Variants in PMAIP1 observed in about 807,000 individuals in gnomAD.
PMAIP1 encodes PMA-induced protein 1.
Under a neutral mutation model 3.7 loss-of-function variants are expected in PMAIP1, and 3 were observed. That is an observed-to-expected ratio of 0.82 (90% confidence interval 0.37 to 2.12). PMAIP1 has a LOEUF of 2.12. PMAIP1 is among the 30% of genes most tolerant of loss of function. The probability of loss-of-function intolerance (pLI) is 0.06; values close to 1 mark genes in which losing one functional copy is unlikely to be tolerated. For missense variants in PMAIP1, 77 were observed against 67.1 expected, an observed-to-expected ratio of 1.15 and a Z score of -0.52; for synonymous variants, 29 against 26.2, an observed-to-expected ratio of 1.11 and a Z score of -0.32.
chr18:59,904,151 C>A lies in PMAIP1; in HGVS notation c.*1398C>A, dbSNP rs1294604184. The A allele has an allele frequency of 6.6e-6, 1 of 151,492 alleles. No homozygotes were observed. Among genetic ancestry groups the A allele is most frequent in the Non-Finnish European group, 1.5e-5 (1 of 67,894 alleles). 9.4% of individuals were successfully genotyped at this position (151,492 alleles called of 1,614,324 possible). ...CTCACATCTGTTTTCTTCAGTATTA[C>A]TTAAGATTGTTTATTTAGTGGTAGA... On this transcript the variant is annotated 3_prime_UTR_variant, in exon 2 of 2. Transcript: ENST00000316660.
Position 59,902,690 on chromosome 18 carries a change from C to G in PMAIP1, c.102C>G (p.Asp34Glu). The change falls in exon 2 of 2, where the codon GAC becomes GAG. Residue 34 changes from aspartate to glutamate, a missense_variant. Transcript: ENST00000316660. ...ECATQLRRFGDKLNFRQKLLN... is the reference protein window; with the variant it reads ...ECATQLRRFGEKLNFRQKLLN... ...CTACTCAACTCAGGAGATTTGGAGA[C>G]AAACTGAACTTCCGGCAGAAACTTC... 1.2e-6 allele frequency: 2 copies of G among 1,614,198 alleles called. No homozygotes were observed. The highest frequency in any genetic ancestry group is 8.5e-7 in the Non-Finnish European group (1 of 1,180,026).
At position 59,900,205 on chromosome 18, in the gene PMAIP1, G is replaced by A. The variant is rs369350146; in HGVS notation, c.28G>A (p.Ala10Thr). 15 of 1,556,168 alleles carry A rather than the reference G, an allele frequency of 9.6e-6. No homozygotes were observed. Among genetic ancestry groups the A allele is most frequent in the Admixed American group, 1.9e-5 (1 of 51,508 alleles). ...GCCTGGGAAGAAGGCGCGCAAGAAC[G>A]CTCAACCGAGCCCCGCGCGGGCTCC... MPGKKARKNAQPSPARAPAE... is the reference protein window; with the variant it reads MPGKKARKNTQPSPARAPAE... The change falls in exon 1 of 2, where the codon GCT becomes ACT. Residue 10 changes from alanine to threonine, a missense_variant. Coordinates refer to ENST00000316660, the MANE Select transcript of PMAIP1 (RefSeq NM_021127.3).
At chr18:59,900,959 C>CG (rs1443062936) in intron 1 of PMAIP1, among the ~76,000 whole-genome samples, 2 of 152,174 alleles carry the variant, frequency 1.3e-5, no homozygotes, top group African/African-American at 2.4e-5. Context: ...ACGCCCCCCC[C>CG]ACCTTTTAAG....
chr18:59,900,385 C>T, intron 1 of PMAIP1, 150 bp downstream of exon 1: 5 of 1,547,522 alleles, frequency 3.2e-6, no homozygotes, highest in Non-Finnish European at 4.4e-6. Context: ...CTGGCGCGAG[C>T]CTTAGGGGCG....
intron 1 of PMAIP1, among the ~76,000 whole-genome samples, chr18:59,900,984 T>C (rs1288248814): frequency 6.6e-6 from 1 of 152,194 alleles, no homozygotes; most frequent in African/African-American, 2.4e-5. Context: ...TTTCATTTTA[T>C]AGAGCTCCTG....
intron 1 of PMAIP1, 41 bp downstream of exon 1, chr18:59,900,276 G>A: frequency 6.5e-7 from 1 of 1,533,272 alleles, no homozygotes; most frequent in African/African-American, 1.4e-5. Flanking sequence ...AGGCCGGGCG[G>A]GGTCGGGGCC....
At position 59,903,307 on chromosome 18, in the gene PMAIP1, A is replaced by G. The variant is rs114858354; in HGVS notation, c.*554A>G. The G allele has an allele frequency of 3.5e-3, 556 of 159,694 alleles. 3 individuals are homozygous for G. Among genetic ancestry groups the G allele is most frequent in the African/African-American group, 0.013 (533 of 41,686 alleles). 9.9% of individuals were successfully genotyped at this position (159,694 alleles called of 1,614,324 possible). A position where few individuals can be genotyped will look rare whatever the true frequency, so the allele number is the denominator to read the frequency against. On this transcript the variant is annotated 3_prime_UTR_variant, in exon 2 of 2. Transcript: ENST00000316660. The stretch of plus-strand genomic sequence containing the variant: ...GTGTTGATTTCTTCGGTCACTACAC[A>G]ACGTAAAATCATTTGTTTCTTTTGA...
Position 59,903,004 on chromosome 18 carries a change from C to T in PMAIP1, c.*251C>T. 1 of 622,550 alleles carries T rather than the reference C, an allele frequency of 1.6e-6. No homozygotes were observed. Among genetic ancestry groups the T allele is most frequent in the South Asian group, 2.0e-5 (1 of 48,982 alleles). The allele number at this position is 622,550 out of a possible 1,614,324, so 38.6% of individuals were successfully genotyped here. A position where few individuals can be genotyped will look rare whatever the true frequency, so the allele number is the denominator to read the frequency against. ...TATTTTAAAGCAAGAATGGAAGACCCTTGAAAATAAAGAAGTAATTATTGA... is the reference window on the plus strand; with the variant it reads ...TATTTTAAAGCAAGAATGGAAGACCTTTGAAAATAAAGAAGTAATTATTGA... On this transcript the variant is annotated 3_prime_UTR_variant, in exon 2 of 2. Coordinates refer to ENST00000316660, the MANE Select transcript of PMAIP1 (RefSeq NM_021127.3).
rs761003859 is a variant in PMAIP1 at position 59,902,673 on chromosome 18, C to G, written c.85C>G (p.Leu29Val). The G allele has an allele frequency of 1.4e-5, 23 of 1,614,172 alleles. No individual in the cohort carries two copies. The highest frequency in any genetic ancestry group is 1.9e-5 in the Non-Finnish European group (22 of 1,180,010). The change falls in exon 2 of 2, where the codon CTC (leucine) becomes GTC (valine). Residue 29 changes from leucine (L) to valine (V), a missense_variant. Coordinates refer to ENST00000316660, the MANE Select transcript of PMAIP1 (RefSeq NM_021127.3). ...AELEVECATQ[L>V]RRFGDKLNFR... ...GCTGGAAGTCGAGTGTGCTACTCAA[C>G]TCAGGAGATTTGGAGACAAACTGAA...
chr18:59,900,634 G>A (rs895918212), intron 1 of PMAIP1: 4 of 1,535,576 alleles, frequency 2.6e-6, no homozygotes, highest in Non-Finnish European at 3.5e-6. Context: ...GCAGGAGAGA[G>A]CCCCGGGGAC....
intron 1 of PMAIP1, chr18:59,900,671 A>AC (rs1192348179): frequency 7.2e-7 from 1 of 1,381,580 alleles, no homozygotes; most frequent in East Asian, 2.5e-5. Flanking sequence ...GCTTCCAGAG[A>AC]CGGCCCCACA....
intron 1 of PMAIP1, 54 bp downstream of exon 1, chr18:59,900,289 G>C: frequency 6.5e-7 from 1 of 1,528,144 alleles, no homozygotes; most frequent in Non-Finnish European, 8.8e-7. Flanking sequence ...TCGGGGCCGG[G>C]GTCGAGGTCT....
rs772510569 is a variant in PMAIP1, at chr18:59,902,706, C to G, written c.118C>G (p.Gln40Glu). The G allele has an allele frequency of 1.2e-6, 2 of 1,614,194 alleles. No homozygotes were observed. Among genetic ancestry groups the G allele is most frequent in the Non-Finnish European group, 1.7e-6 (2 of 1,180,024 alleles). The change falls in exon 2 of 2, where the codon CAG (glutamine) becomes GAG (glutamate). Residue 40 changes from glutamine to glutamate, a missense_variant. Transcript: ENST00000316660. The part of the protein sequence containing the change: ...RRFGDKLNFR[Q>E]KLLNLISKLF... ...ATTTGGAGACAAACTGAACTTCCGG[C>G]AGAAACTTCTGAATCTGATATCCAA...
At chr18:59,901,212 TA>T (rs2055766136) in intron 1 of PMAIP1, among the ~76,000 whole-genome samples, 1 of 152,212 alleles carries the variant, frequency 6.6e-6, no homozygotes, top group Non-Finnish European at 1.5e-5. Context: ...AAGTCCCTCT[TA>T]AACTTGATTT....
At chr18:59,900,445 G>A (rs2055754938) in intron 1 of PMAIP1, 1 of 1,540,588 alleles carries the variant, frequency 6.5e-7, no homozygotes, top group African/African-American at 1.4e-5. Flanking sequence ...GGGTACGGCG[G>A]GTACGGCGAG....
At position 59,900,035 on chromosome 18, in the gene PMAIP1, C is replaced by T; in HGVS notation, c.-143C>T. On this transcript the variant is annotated 5_prime_UTR_variant, in exon 1 of 2. Transcript: ENST00000316660. ...ACTCACCGTGTGTAGTTGGCATCTC[C>T]GCGCGTCCGGACACCCGATCCCAGC... 1 of 803,746 alleles carries T rather than the reference C, an allele frequency of 1.2e-6. No homozygotes were observed. Among genetic ancestry groups the T allele is most frequent in the Non-Finnish European group, 1.8e-6 (1 of 541,168 alleles). The allele number at this position is 803,746 out of a possible 1,614,324, so 49.8% of individuals were successfully genotyped here. A position where few individuals can be genotyped will look rare whatever the true frequency, so the allele number is the denominator to read the frequency against.
rs2055792340 is a variant in PMAIP1, at chr18:59,904,031, A to G, written c.*1278A>G. ...TCTTTAGTTTGAAAATGTGTATTAA[A>G]GTTACATTTTTGAGTTACAAGAGTC... On this transcript the variant is annotated 3_prime_UTR_variant, in exon 2 of 2. Coordinates refer to ENST00000316660, the MANE Select transcript of PMAIP1 (RefSeq NM_021127.3). 1.3e-5 allele frequency: 2 copies of G among 152,150 alleles called. No homozygotes were observed. Among genetic ancestry groups the G allele is most frequent in the Non-Finnish European group, 2.9e-5 (2 of 68,010 alleles). 9.4% of individuals were successfully genotyped at this position (152,150 alleles called of 1,614,324 possible).
Position 59,903,002 on chromosome 18 carries a change from C to T in PMAIP1, c.*249C>T. On this transcript the variant is annotated 3_prime_UTR_variant, in exon 2 of 2. Transcript: ENST00000316660. ...TTTATTTTAAAGCAAGAATGGAAGA[C>T]CCTTGAAAATAAAGAAGTAATTATT... is the stretch of plus-strand genomic sequence containing the variant. 1 of 623,086 alleles carries T rather than the reference C, an allele frequency of 1.6e-6. No individual in the cohort carries two copies. The highest frequency in any genetic ancestry group is 2.8e-5 in the East Asian group (1 of 36,316). The allele number at this position is 623,086 out of a possible 1,614,324, so 38.6% of individuals were successfully genotyped here. A position where few individuals can be genotyped will look rare whatever the true frequency, so the allele number is the denominator to read the frequency against.
chr18:59,900,640 G>A, intron 1 of PMAIP1: 1 of 1,521,968 alleles, frequency 6.6e-7, no homozygotes, highest in Non-Finnish European at 8.8e-7. Context: ...GAGAGCCCCG[G>A]GGACCGCCTG....
Sources: gnomAD v4.1 joint callset for allele counts (sites outside exome capture counted in the v4.1 genomes callset) on GRCh38, gnomAD v4.1.1 for gene constraint, MANE v1.5 for transcripts, NCBI Gene and HGNC (gene_info 2026-07-23, HGNC 2026-07-21) for gene names.